GREB1L: variants seen among roughly 807,000 people sequenced by gnomAD.
The protein encoded by GREB1L is GREB1-like protein.
In GREB1L, 17 loss-of-function variants were observed where a neutral mutation model predicts 200.8. The observed-to-expected ratio is 0.08, with a 90% CI of 0.06 to 0.13. GREB1L has a LOEUF of 0.13. Among genes scored for constraint, GREB1L ranks in the 10% least tolerant of loss-of-function variants. GREB1L has a pLI of 1.00. For synonymous variants in GREB1L, 789 were observed against 893.0 expected, an observed-to-expected ratio of 0.88 and a Z score of 2.08; for missense variants, 1,657 against 2,367.7, an observed-to-expected ratio of 0.70 and a Z score of 6.23.
intron 14 of GREB1L, among the ~76,000 whole-genome samples, chr18:21,452,936 G>T (rs2034595475): frequency 6.6e-6 from 1 of 152,156 alleles, no homozygotes; most frequent in African/African-American, 2.4e-5. Flanking sequence ...ATTGTCTCAG[G>T]CAATAAAAGT....
chr18:21,460,454 T>C (rs1413524050), intron 15 of GREB1L, among the ~76,000 whole-genome samples: 15 of 152,180 alleles, frequency 9.9e-5, no homozygotes, highest in Admixed American at 9.8e-4. Context: ...CAAGCGATTC[T>C]CCTGCCTCAG....
At chr18:21,302,249 T>G (rs1299010513) in intron 1 of GREB1L, among the ~76,000 whole-genome samples, 1 of 152,144 alleles carries the variant, frequency 6.6e-6, no homozygotes, top group East Asian at 1.9e-4. Flanking sequence ...AAGAGTGCCT[T>G]GGGAATGAAT....
rs141880242 is a variant in GREB1L, at chr18:21,300,935, G to A, written c.-120+58542G>A. On this transcript the variant is annotated intron_variant, in intron 1 of 32. Transcript: ENST00000424526. ...GGGAGGCATTGTAAGACTTACTCAA[G>A]ATCTAGTCATGCCTCACATGTGCCT... 3.3e-3 allele frequency among the ~76,000 whole-genome samples: 507 copies of A among 152,222 alleles called. 2 individuals carry two copies. The highest frequency in any genetic ancestry group is 0.012 in the African/African-American group (489 of 41,534).
intron 1 of GREB1L, among the ~76,000 whole-genome samples, chr18:21,344,994 T>A (rs2039323900): frequency 6.6e-6 from 1 of 152,178 alleles, no homozygotes; most frequent in Non-Finnish European, 1.5e-5. Context: ...TCCAAATCTA[T>A]TCCACTCTCT....
rs143087809 is a variant in GREB1L at position 21,290,276 on chromosome 18, T to C, written c.-120+47883T>C. 4.1e-3 allele frequency among the ~76,000 whole-genome samples: 620 copies of C among 152,346 alleles called. 6 individuals are homozygous for C. Among genetic ancestry groups the C allele is most frequent in the African/African-American group, 0.014 (578 of 41,578 alleles). On this transcript the variant is annotated intron_variant, in intron 1 of 32. Coordinates refer to ENST00000424526, the MANE Select transcript of GREB1L (RefSeq NM_001142966.3). ...CATGCTAATGGTAGTACCATATTCC[T>C]TTTAAGGATGAAATAAGTTTCTTAG...
chr18:21,490,373 C>T (rs2036284770), intron 19 of GREB1L, 22 bp downstream of exon 19: 1 of 1,532,036 alleles, frequency 6.5e-7, no homozygotes, highest in African/African-American at 1.4e-5. Flanking sequence ...ACAGACATTT[C>T]TCCTTTAAAA....
At chr18:21,460,681 A>G (rs1351503806) in intron 15 of GREB1L, among the ~76,000 whole-genome samples, 10 of 152,058 alleles carry the variant, frequency 6.6e-5, no homozygotes, top group Non-Finnish European at 1.3e-4. Context: ...CATTCTCCAC[A>G]GTGGCTGTCA....
intron 15 of GREB1L, among the ~76,000 whole-genome samples, chr18:21,462,349 T>A (rs1411419293): frequency 6.6e-6 from 1 of 152,250 alleles, no homozygotes; most frequent in African/African-American, 2.4e-5. Context: ...ACTTCTGACA[T>A]TTTCAGATTC....
chr18:21,362,116 A>G (rs1356290959), intron 1 of GREB1L, among the ~76,000 whole-genome samples: 2 of 152,048 alleles, frequency 1.3e-5, no homozygotes, highest in Non-Finnish European at 1.5e-5. Flanking sequence ...ATTATTTTGT[A>G]TGTATTCTAC....
chr18:21,385,371 C>CTT (rs60302271), intron 4 of GREB1L, among the ~76,000 whole-genome samples: 3 of 140,490 alleles, frequency 2.1e-5, no homozygotes, highest in African/African-American at 5.2e-5. Flanking sequence ...TTTCTCTTGA[C>CTT]TTTTTTTTTT....
At chr18:21,418,680 G>A (rs1281015119) in intron 7 of GREB1L, among the ~76,000 whole-genome samples, 14 of 151,964 alleles carry the variant, frequency 9.2e-5, no homozygotes, top group African/African-American at 1.4e-4. Flanking sequence ...CTGCCACCAC[G>A]CCCAGCTAAT....
At chr18:21,516,515 G>T in intron 29 of GREB1L, 98 bp from the exon 30 acceptor site, 1 of 1,170,016 alleles carries the variant, frequency 8.5e-7, no homozygotes, top group Non-Finnish European at 1.2e-6. Context: ...GATTATTTTA[G>T]GCTCCTAATA....
chr18:21,369,766 G>C (rs899916085), intron 2 of GREB1L, among the ~76,000 whole-genome samples: 2 of 151,762 alleles, frequency 1.3e-5, no homozygotes, highest in African/African-American at 4.8e-5. Context: ...GGCCAACATG[G>C]TGAAACCCTG....
chr18:21,274,495 C>G (rs935992916), intron 1 of GREB1L, among the ~76,000 whole-genome samples: 4 of 152,124 alleles, frequency 2.6e-5, no homozygotes, highest in Non-Finnish European at 4.4e-5. Flanking sequence ...ACTGCAGTCT[C>G]CACTTCCCAG....
chr18:21,476,284 C>A (rs889954901), intron 16 of GREB1L, among the ~76,000 whole-genome samples: 1 of 152,008 alleles, frequency 6.6e-6, no homozygotes. Context: ...AGCTCTTTTT[C>A]AGAAGCCAGA....
chr18:21,464,542 CAA>C (rs11477392), intron 15 of GREB1L, among the ~76,000 whole-genome samples: 2,457 of 66,444 alleles, frequency 0.037, 60 homozygotes, highest in African/African-American at 0.098. Flanking sequence ...GACACCATCT[CAA>C]AAAAAAAAAA....
chr18:21,447,559 A>G (rs2034292523), intron 11 of GREB1L, among the ~76,000 whole-genome samples: 2 of 152,170 alleles, frequency 1.3e-5, no homozygotes, highest in South Asian at 2.1e-4. Context: ...CTGATAGAAT[A>G]TGTTACTTAG....
intron 15 of GREB1L, among the ~76,000 whole-genome samples, chr18:21,459,539 G>A (rs569628721): frequency 2.0e-5 from 3 of 151,746 alleles, no homozygotes; most frequent in Non-Finnish European, 4.4e-5. Flanking sequence ...TGCCCACCTC[G>A]GCCTCCCAAA....
In GREB1L at chr18:21,522,671, T is replaced by C. The variant is rs2037623971; in HGVS notation, c.5622T>C (p.Cys1874=). ...KFKFLKGATL[C]VICQDRSSLR... ...TTTTTCCTGAAGGTGCTACACTGTGTGTCATCTGCCAAGACAGAAGTTCCT... is the reference window on the plus strand; with the variant it reads ...TTTTTCCTGAAGGTGCTACACTGTGCGTCATCTGCCAAGACAGAAGTTCCT... The change falls in exon 33 of 33, where the codon TGT becomes TGC. Residue 1874 remains cysteine (C), a synonymous_variant. Coordinates refer to ENST00000424526, the MANE Select transcript of GREB1L (RefSeq NM_001142966.3). 1 of 1,551,562 alleles carries C rather than the reference T, an allele frequency of 6.4e-7. No homozygotes were observed. The highest frequency in any genetic ancestry group is 8.7e-7 in the Non-Finnish European group (1 of 1,146,932).
Sources: allele counts gnomAD v4.1 joint callset (sites outside exome capture counted in the v4.1 genomes callset), GRCh38; gene constraint gnomAD v4.1.1; transcripts MANE v1.5; gene names NCBI Gene and HGNC (gene_info 2026-07-23, HGNC 2026-07-21).